GPC6: variants seen among roughly 807,000 people sequenced by gnomAD.
GPC6 encodes glypican 6, also known as glypican-6.
A neutral mutation model predicts 55.2 loss-of-function variants in GPC6; 14 were observed. That is an observed-to-expected ratio of 0.25 (90% confidence interval 0.17 to 0.40). GPC6 has a LOEUF of 0.40. Among genes scored for constraint, GPC6 ranks in the 10% least tolerant of loss-of-function variants. The pLI, the probability that GPC6 is intolerant of heterozygous loss-of-function variation, is 1.00. For synonymous variants in GPC6, 278 were observed against 259.6 expected, an observed-to-expected ratio of 1.07 and a Z score of -0.68; for missense variants, 641 against 708.5, an observed-to-expected ratio of 0.90 and a Z score of 1.08.
intron 3 of GPC6, among the ~76,000 whole-genome samples, chr13:93,876,311 A>G (rs1390747810): frequency 6.6e-6 from 1 of 152,004 alleles, no homozygotes; most frequent in Non-Finnish European, 1.5e-5. Flanking sequence ...ATCTGAACTT[A>G]GGGAAAAAAA....
intron 3 of GPC6, among the ~76,000 whole-genome samples, chr13:93,853,041 A>T (rs761055273): frequency 6.6e-6 from 1 of 151,782 alleles, no homozygotes; most frequent in Non-Finnish European, 1.5e-5. Flanking sequence ...TTTCTGGGGA[A>T]ATACAGAAGA....
chr13:93,842,957 A>T (rs188764084), intron 3 of GPC6, among the ~76,000 whole-genome samples: 2 of 152,198 alleles, frequency 1.3e-5, no homozygotes, highest in Admixed American at 6.6e-5. Context: ...AAATGTCAAA[A>T]GTTTTATTTC....
chr13:93,568,336 G>A (rs946770433), intron 2 of GPC6, among the ~76,000 whole-genome samples: 6 of 151,972 alleles, frequency 3.9e-5, no homozygotes, highest in Admixed American at 6.6e-5. Flanking sequence ...TTATGTTCAG[G>A]CATGCTCTCG....
At chr13:93,356,437 G>T (rs1004324367) in intron 1 of GPC6, among the ~76,000 whole-genome samples, 1 of 152,176 alleles carries the variant, frequency 6.6e-6, no homozygotes. Flanking sequence ...AGTGAAGAAG[G>T]CATTTCCCTT....
In GPC6 at chr13:94,027,782, A is replaced by G. The variant is rs1340415498; in HGVS notation, c.765A>G (p.Pro255=). 19 of 1,614,068 alleles carry G rather than the reference A, an allele frequency of 1.2e-5. No homozygotes were observed. Among genetic ancestry groups the G allele is most frequent in the Non-Finnish European group, 1.5e-5 (18 of 1,179,960 alleles). The change falls in exon 4 of 9, where the codon CCA becomes CCG. Residue 255 remains proline (P), a synonymous_variant. Coordinates refer to ENST00000377047, the MANE Select transcript of GPC6 (RefSeq NM_005708.5). ...IRALMKMLYC[P]YCRGLPTVRP... ...CCCTCATGAAGATGCTGTACTGCCCATACTGTCGGGGGCTTCCCACTGTGA... is the reference window on the plus strand; with the variant it reads ...CCCTCATGAAGATGCTGTACTGCCCGTACTGTCGGGGGCTTCCCACTGTGA...
intron 5 of GPC6, among the ~76,000 whole-genome samples, chr13:94,302,537 G>A (rs1308024512): frequency 1.3e-5 from 2 of 152,196 alleles, no homozygotes; most frequent in Non-Finnish European, 2.9e-5. Flanking sequence ...TACTTTGTAA[G>A]TCATCTAAGT....
At chr13:93,652,824 T>A (rs985515228) in intron 2 of GPC6, among the ~76,000 whole-genome samples, 1 of 152,246 alleles carries the variant, frequency 6.6e-6, no homozygotes, top group African/African-American at 2.4e-5. Flanking sequence ...CTTTGAATGT[T>A]ACATTTTGTC....
intron 1 of GPC6, among the ~76,000 whole-genome samples, chr13:93,482,809 C>T (rs995862129): frequency 2.6e-5 from 4 of 152,100 alleles, no homozygotes; most frequent in East Asian, 3.9e-4. Context: ...GTAGCAAGTA[C>T]GTTTGTAATA....
chr13:93,840,087 G>C (rs934576569), intron 3 of GPC6, among the ~76,000 whole-genome samples: 2 of 152,072 alleles, frequency 1.3e-5, no homozygotes, highest in Non-Finnish European at 2.9e-5. Context: ...CTATGAATCT[G>C]TCTGGTCCTG....
At chr13:94,372,215 A>G (rs948657639) in intron 6 of GPC6, among the ~76,000 whole-genome samples, 2 of 152,136 alleles carry the variant, frequency 1.3e-5, no homozygotes, top group African/African-American at 2.4e-5. Flanking sequence ...AGGAGCCAAG[A>G]TGGCCGAATA....
chr13:94,196,721 A>T (rs1408568261), intron 4 of GPC6, among the ~76,000 whole-genome samples: 1 of 152,322 alleles, frequency 6.6e-6, no homozygotes, highest in Admixed American at 6.5e-5. Flanking sequence ...GCATAACCCC[A>T]TAAGGCGTTT....
chr13:94,206,890 C>G (rs909460744), intron 4 of GPC6, among the ~76,000 whole-genome samples: 11 of 152,194 alleles, frequency 7.2e-5, no homozygotes, highest in Admixed American at 5.9e-4. Context: ...AAACAATTTG[C>G]CTGTGTATTT....
At chr13:93,448,601 T>A (rs553667649) in intron 1 of GPC6, among the ~76,000 whole-genome samples, 1 of 152,306 alleles carries the variant, frequency 6.6e-6, no homozygotes, top group South Asian at 2.1e-4. Flanking sequence ...ACTAATTAAA[T>A]AAGAATATAA....
At chr13:94,319,070 G>A (rs1273883469) in intron 6 of GPC6, among the ~76,000 whole-genome samples, 2 of 151,988 alleles carry the variant, frequency 1.3e-5, no homozygotes, top group Non-Finnish European at 2.9e-5. Flanking sequence ...TCACCTAAAT[G>A]TACTAGAAAT....
chr13:93,542,602 A>C (rs1882360467), intron 1 of GPC6, among the ~76,000 whole-genome samples: 1 of 152,102 alleles, frequency 6.6e-6, no homozygotes, highest in Non-Finnish European at 1.5e-5. Flanking sequence ...TGAATCTATA[A>C]ATTATCTTGG....
chr13:94,190,852 A>G (rs1294392601), intron 4 of GPC6, among the ~76,000 whole-genome samples: 1 of 152,198 alleles, frequency 6.6e-6, no homozygotes, highest in Non-Finnish European at 1.5e-5. Context: ...TCTCATATAT[A>G]TACTCTCAAA....
chr13:93,268,641 G>A (rs535805453), intron 1 of GPC6, among the ~76,000 whole-genome samples: 1 of 152,090 alleles, frequency 6.6e-6, no homozygotes, highest in Non-Finnish European at 1.5e-5. Flanking sequence ...TTATGTTAGT[G>A]CTGTTTGCTG....
At chr13:93,580,460 A>G (rs1221917609) in intron 2 of GPC6, among the ~76,000 whole-genome samples, 4 of 152,242 alleles carry the variant, frequency 2.6e-5, no homozygotes, top group Non-Finnish European at 5.9e-5. Flanking sequence ...AGACTACATT[A>G]TACACATAGC....
At chr13:93,285,632 G>GTC (rs1878091137) in intron 1 of GPC6, among the ~76,000 whole-genome samples, 1 of 142,232 alleles carries the variant, frequency 7.0e-6, no homozygotes, top group South Asian at 2.2e-4. Flanking sequence ...GTGTGTGTGT[G>GTC]TGTGTGTGTG....
Sources: allele counts gnomAD v4.1 joint callset (sites outside exome capture counted in the v4.1 genomes callset), GRCh38; gene constraint gnomAD v4.1.1; transcripts MANE v1.5; gene names NCBI Gene and HGNC (gene_info 2026-07-23, HGNC 2026-07-21).